Variants in ZDHHC9 observed in about 807,000 individuals in gnomAD.
The protein encoded by ZDHHC9 is zDHHC palmitoyltransferase 9, also known as palmitoyltransferase ZDHHC9.
Under a neutral mutation model 26.6 loss-of-function variants are expected in ZDHHC9, and 3 were observed. The ratio of observed to expected loss-of-function variants is 0.11; its 90% CI spans 0.05 to 0.29. The LOEUF is 0.29. Among genes scored for constraint, ZDHHC9 ranks in the 10% least tolerant of loss-of-function variants. The pLI is 1.00. For missense variants in ZDHHC9, 146 were observed against 296.4 expected (o/e 0.49, Z 3.73); for synonymous variants, 111 against 109.4 (o/e 1.01, Z -0.09).
intron 10 of ZDHHC9, among the ~76,000 whole-genome samples, chrX:129,809,796 G>A (rs1398254604): frequency 2.7e-5 from 3 of 109,512 alleles, no homozygotes; most frequent in Non-Finnish European, 5.7e-5. Context: ...TCAGAAGTTC[G>A]AGACCAGCCT....
chrX:129,819,808 G>C (rs1447551592), intron 5 of ZDHHC9, among the ~76,000 whole-genome samples: 1 of 110,698 alleles, frequency 9.0e-6, no homozygotes, highest in African/African-American at 3.3e-5. Flanking sequence ...TTATTCTCAT[G>C]CCTCAGCCAG....
rs1232023968 is a variant in ZDHHC9, at chrX:129,803,723, C to T, written c.*2647G>A. ...GACATGAAGAAATGGCTCACCACAG[C>T]CAATTTCCACCTGCCCCCAGAGGTT... On this transcript the variant is annotated 3_prime_UTR_variant, in exon 11 of 11. Transcript: ENST00000357166. The T allele has an allele frequency of 1.8e-5, 2 of 111,852 alleles. No homozygotes were observed. The allele number at this position is 111,852 out of a possible 1,213,427, so 9.2% of individuals were successfully genotyped here.
chrX:129,828,643 A>C (rs1470033476), intron 4 of ZDHHC9, among the ~76,000 whole-genome samples: 4 of 110,451 alleles, frequency 3.6e-5, no homozygotes, highest in Admixed American at 2.9e-4. Context: ...TAAATAAATA[A>C]TAAATCTGTG....
chrX:129,828,199 T>C (rs1235788214), intron 4 of ZDHHC9, among the ~76,000 whole-genome samples: 1 of 112,301 alleles, frequency 8.9e-6, no homozygotes, highest in African/African-American at 3.2e-5. Context: ...CAAAATTGTG[T>C]ACATGTACAT....
intron 8 of ZDHHC9, 99 bp downstream of exon 8, chrX:129,812,619 C>T (rs1211908468): frequency 2.3e-5 from 17 of 747,477 alleles, no homozygotes; most frequent in Non-Finnish European, 3.4e-5. Flanking sequence ...CTGCCTCAAC[C>T]TCCCAGGCCC....
At chrX:129,815,783 G>A (rs1342678235) in intron 5 of ZDHHC9, among the ~76,000 whole-genome samples, 2 of 111,833 alleles carry the variant, frequency 1.8e-5, no homozygotes, top group African/African-American at 6.5e-5. Flanking sequence ...ATGTAAAGTT[G>A]TACCTGACTA....
In ZDHHC9 at chrX:129,821,313, G is replaced by T. The variant is rs1927879599; in HGVS notation, c.487+2366C>A. ...ACCTTCTTCTTTTTTTTTTTTTTGA[G>T]ATGGAGTCTTGCTCTGTCACCCAGG... On this transcript the variant is annotated intron_variant, in intron 5 of 10. Transcript: ENST00000357166. Among the ~76,000 whole-genome samples, 5 of 96,984 alleles carry T rather than the reference G, an allele frequency of 5.2e-5. No individual in the cohort carries two copies. The South Asian group carries it at 1.8e-3, about 35-fold the overall frequency. The allele number at this position is 96,984 out of a possible 115,157, so 84.2% of individuals were successfully genotyped here.
In ZDHHC9 at chrX:129,803,492, A is replaced by G. The variant is rs998518148; in HGVS notation, c.*2878T>C. 1.8e-5 allele frequency: 2 copies of G among 112,807 alleles called. No individual in the cohort carries two copies. Among genetic ancestry groups the G allele is most frequent in the Non-Finnish European group, 3.7e-5 (2 of 53,367 alleles). The allele number at this position is 112,807 out of a possible 1,213,427, so 9.3% of individuals were successfully genotyped here. ...ATTAGAAAATAGATTTAAAAACAAAATACTTTTTTTCTCCAACAAAGTAAA... is the reference window on the plus strand; with the variant it reads ...ATTAGAAAATAGATTTAAAAACAAAGTACTTTTTTTCTCCAACAAAGTAAA... On this transcript the variant is annotated 3_prime_UTR_variant, in exon 11 of 11. Transcript: ENST00000357166.
intron 10 of ZDHHC9, among the ~76,000 whole-genome samples, chrX:129,806,836 C>T (rs1927527272): frequency 8.9e-6 from 1 of 111,875 alleles, no homozygotes; most frequent in Non-Finnish European, 1.9e-5. Context: ...GGTCCTCAAT[C>T]GTGTTTCTGC....
intron 4 of ZDHHC9, among the ~76,000 whole-genome samples, chrX:129,826,307 C>T (rs1232896898): frequency 9.0e-6 from 1 of 111,151 alleles, no homozygotes; most frequent in African/African-American, 3.3e-5. Flanking sequence ...GAGGCCGTAT[C>T]AGGCAAGGGC....
chrX:129,822,763 G>A (rs1334330679), intron 5 of ZDHHC9: 1 of 111,506 alleles, frequency 9.0e-6, no homozygotes, highest in Non-Finnish European at 1.9e-5. Context: ...TTTGCCTAAA[G>A]AAATGGCTAG....
In ZDHHC9 at chrX:129,842,008, C is replaced by T; in HGVS notation, c.-63G>A. 8.4e-7 allele frequency: 1 copy of T among 1,189,603 alleles called. No homozygotes were observed. The highest frequency in any genetic ancestry group is 1.7e-5 in the African/African-American group (1 of 57,169). ...CACGAGAGAAGAAACAGAGGCTGAG[C>T]CCAGCTTTGAAATCACGTTGCCTGC... On this transcript the variant is annotated 5_prime_UTR_variant, in exon 3 of 11. Transcript: ENST00000357166.
chrX:129,812,085 CTT>C (rs770047894), intron 8 of ZDHHC9, among the ~76,000 whole-genome samples: 9 of 101,446 alleles, frequency 8.9e-5, no homozygotes, highest in African/African-American at 1.4e-4. Flanking sequence ...TAATTGCTAA[CTT>C]TTTTTTTTTT....
At position 129,816,743 on chromosome X, in the gene ZDHHC9, C is replaced by T. The variant is rs1927764840; in HGVS notation, c.488-1948G>A. Among the ~76,000 whole-genome samples the T allele has an allele frequency of 4.5e-5, 5 of 111,328 alleles. No individual in the cohort carries two copies. In the Admixed American group the frequency reaches 4.8e-4, roughly 11 times the overall value. ...TGGGAGCATAAAATGAAAGAACCTT[C>T]CCAGAAAGCAATTTGGCAGTACGTA... is the stretch of plus-strand genomic sequence containing the variant. On this transcript the variant is annotated intron_variant, in intron 5 of 10. Transcript: ENST00000357166.
chrX:129,819,172 C>CAAAAAAAAAAAAA (rs10555509), intron 5 of ZDHHC9, among the ~76,000 whole-genome samples: 1 of 36,083 alleles, frequency 2.8e-5, no homozygotes, highest in Non-Finnish European at 4.5e-5. Context: ...GCCTCCGTCT[C>CAAAAAAAAAAAAA]AAAAAAAAAA....
At chrX:129,809,933 G>A (rs1385130241) in intron 10 of ZDHHC9, among the ~76,000 whole-genome samples, 2 of 99,074 alleles carry the variant, frequency 2.0e-5, no homozygotes, top group Admixed American at 1.2e-4. Flanking sequence ...AGGTTGCAGT[G>A]AGCTGAGATT....
At position 129,833,863 on chromosome X, in the gene ZDHHC9, GA is replaced by G. The variant is rs1295269749; in HGVS notation, c.168-4723del. Among the ~76,000 whole-genome samples, 3 of 111,481 alleles carry G rather than the reference GA, an allele frequency of 2.7e-5. No homozygotes were observed. In the Admixed American group the frequency reaches 2.8e-4, roughly 11 times the overall value. On this transcript the variant is annotated intron_variant, in intron 3 of 10. Coordinates refer to ENST00000357166, the MANE Select transcript of ZDHHC9 (RefSeq NM_016032.4). ...ATGGCTTTAAGGAAGAAGGCCCAAG[GA>G]TCAGAGCCCCATGATACTCTTTGGT...
In ZDHHC9 at chrX:129,821,444, C is replaced by A. The variant is rs1021173615; in HGVS notation, c.487+2235G>T. ...AGTAGCTGGGACTACAGGCGCCCACCACCACGTCCCCTAATTTTTTGTATT... is the reference window on the plus strand; with the variant it reads ...AGTAGCTGGGACTACAGGCGCCCACAACCACGTCCCCTAATTTTTTGTATT... On this transcript the variant is annotated intron_variant, in intron 5 of 10. Coordinates refer to ENST00000357166, the MANE Select transcript of ZDHHC9 (RefSeq NM_016032.4). Among the ~76,000 whole-genome samples the A allele has an allele frequency of 5.9e-4, 64 of 107,980 alleles. 1 individual carries two copies. Among genetic ancestry groups the A allele is most frequent in the African/African-American group, 1.9e-3 (55 of 29,653 alleles). The allele number at this position is 107,980 out of a possible 115,157, so 93.8% of individuals were successfully genotyped here.
chrX:129,824,314 C>T (rs928883283), intron 4 of ZDHHC9, among the ~76,000 whole-genome samples: 2 of 111,131 alleles, frequency 1.8e-5, no homozygotes, highest in Admixed American at 1.9e-4. Flanking sequence ...GATGAAGTCT[C>T]GCTCTGTCGC....
Sources: allele counts gnomAD v4.1 joint callset (sites outside exome capture counted in the v4.1 genomes callset), GRCh38; gene constraint gnomAD v4.1.1; transcripts MANE v1.5; gene names NCBI Gene and HGNC (gene_info 2026-07-23, HGNC 2026-07-21).